Variants in SDHAF4 observed in about 807,000 individuals in gnomAD.
SDHAF4 encodes the protein succinate dehydrogenase assembly factor 4, mitochondrial.
SDHAF4 carries 14 observed loss-of-function variants against 14.3 expected under a neutral mutation model. The ratio of observed to expected loss-of-function variants is 0.98; its 90% confidence interval spans 0.65 to 1.53. The LOEUF (loss-of-function observed/expected upper bound fraction) is 1.53, where lower values mean the gene tolerates loss of function less well. SDHAF4 is among the 40% of genes most tolerant of loss of function. The pLI is 0.00. For missense variants in SDHAF4, 141 were observed against 129.3 expected (o/e 1.09, Z -0.44); for synonymous variants, 63 against 47.3 (o/e 1.33, Z -1.36).
chr6:70,585,578 G>A (rs1049792945), intron 2 of SDHAF4, among the ~76,000 whole-genome samples: 3 of 152,176 alleles, frequency 2.0e-5, no homozygotes, highest in Non-Finnish European at 2.9e-5. Flanking sequence ...ATGGTATTTT[G>A]TTATGGCAGC....
At chr6:70,572,058 CTTTTTTTTTTTTTT>C (rs66688860) in intron 1 of SDHAF4, among the ~76,000 whole-genome samples, 2 of 53,506 alleles carry the variant, frequency 3.7e-5, no homozygotes, top group African/African-American at 8.2e-5. Context: ...CTTTTTTTGT[CTTTTTTTTTTTTTT>C]TTTTTTTTTT....
At chr6:70,577,562 C>A (rs761498414) in intron 1 of SDHAF4, among the ~76,000 whole-genome samples, 5 of 152,082 alleles carry the variant, frequency 3.3e-5, no homozygotes, top group Non-Finnish European at 7.3e-5. Flanking sequence ...ATTTTAAAAT[C>A]CGAAGTTTTA....
Position 70,578,842 on chromosome 6 carries a change from C to T in SDHAF4, c.65-572C>T, listed in dbSNP as rs531350121. On this transcript the variant is annotated intron_variant, in intron 1 of 2. Coordinates refer to ENST00000370474, the MANE Select transcript of SDHAF4 (RefSeq NM_145267.3). ...CCATTTATCAAATAGGGACTTCTTT[C>T]CCCATAAAACAATCTTTTTTTAGAG... Among the ~76,000 whole-genome samples, 28 of 152,236 alleles carry T rather than the reference C, an allele frequency of 1.8e-4. No individual in the cohort carries two copies. In the East Asian group the frequency reaches 5.0e-3, roughly 27 times the overall value.
chr6:70,577,325 A>C (rs1345290955), intron 1 of SDHAF4, among the ~76,000 whole-genome samples: 1 of 152,144 alleles, frequency 6.6e-6, no homozygotes, highest in African/African-American at 2.4e-5. Context: ...TCTGTTTGCT[A>C]CAGAGGTGTA....
At chr6:70,589,978 C>T (rs1270203800), downstream of SDHAF4, among the ~76,000 whole-genome samples, 1 of 152,182 alleles carries the variant, frequency 6.6e-6, no homozygotes, top group African/African-American at 2.4e-5. Context: ...TATTCGATGC[C>T]TGTAATCCCA....
At chr6:70,584,117 G>C (rs754586935) in intron 2 of SDHAF4, among the ~76,000 whole-genome samples, 14 of 151,890 alleles carry the variant, frequency 9.2e-5, no homozygotes, top group Admixed American at 2.0e-4. Context: ...CCTCTGCCTC[G>C]GGTTCAAGCG....
At chr6:70,586,001 G>A (rs929265692) in intron 2 of SDHAF4, among the ~76,000 whole-genome samples, 9 of 152,116 alleles carry the variant, frequency 5.9e-5, no homozygotes, top group African/African-American at 2.2e-4. Flanking sequence ...CCTTTAGAGG[G>A]CAAGGAGGAT....
At chr6:70,596,743 T>C in the SDHAF4 span, 2 of 152,194 alleles carry the variant, frequency 1.3e-5, no homozygotes, top group Non-Finnish European at 2.9e-5. Context: ...GATTGAATTA[T>C]GTCTACTAGG....
intron 1 of SDHAF4, among the ~76,000 whole-genome samples, chr6:70,568,393 GTC>G (rs1802132074): frequency 1.3e-5 from 2 of 152,152 alleles, no homozygotes; most frequent in African/African-American, 4.8e-5. Context: ...TTAAGAAATA[GTC>G]TCTATTGCCA....
intron 1 of SDHAF4, among the ~76,000 whole-genome samples, chr6:70,568,097 A>G (rs549783686): frequency 6.6e-6 from 1 of 152,352 alleles, no homozygotes; most frequent in South Asian, 2.1e-4. Flanking sequence ...CCTTTGTGCA[A>G]TCATTTTACC....
At chr6:70,567,980 C>T (rs1802125853) in intron 1 of SDHAF4, among the ~76,000 whole-genome samples, 2 of 152,134 alleles carry the variant, frequency 1.3e-5, no homozygotes, top group Admixed American at 1.3e-4. Flanking sequence ...CCACCGCGCC[C>T]GGTCCGCAAA....
In SDHAF4 at chr6:70,579,472, T is replaced by C; in HGVS notation, c.123T>C (p.Ser41=). 2 of 1,611,384 alleles carry C rather than the reference T, an allele frequency of 1.2e-6. No homozygotes were observed. Among genetic ancestry groups the C allele is most frequent in the Non-Finnish European group, 1.7e-6 (2 of 1,178,524 alleles). The change falls in exon 2 of 3, where the codon TCT becomes TCC. Residue 41 remains serine, a synonymous_variant. Coordinates refer to ENST00000370474, the MANE Select transcript of SDHAF4 (RefSeq NM_145267.3). The stretch of plus-strand genomic sequence containing the variant: ...CAAGTTCTTCTCAAGGAGGAAAGTC[T>C]GAACTTGTCAAACAGTCCCTTAAGA... ...RKTSSSQGGK[S]ELVKQSLKKP...
intron 1 of SDHAF4, among the ~76,000 whole-genome samples, chr6:70,578,179 A>G (rs543711314): frequency 3.4e-4 from 52 of 152,362 alleles, no homozygotes; most frequent in Admixed American, 1.3e-3. Context: ...GAACTAAGAT[A>G]CATTCCCACT....
chr6:70,582,903 T>C (rs1765152166), intron 2 of SDHAF4, among the ~76,000 whole-genome samples: 1 of 152,116 alleles, frequency 6.6e-6, no homozygotes, highest in Non-Finnish European at 1.5e-5. Flanking sequence ...GTTGTCTCCT[T>C]GAAAAGAGTA....
chr6:70,571,519 T>A (rs1802177761), intron 1 of SDHAF4, among the ~76,000 whole-genome samples: 1 of 152,198 alleles, frequency 6.6e-6, no homozygotes, highest in South Asian at 2.1e-4. Flanking sequence ...TTCACCATAT[T>A]GGCCAGGCTG....
At chr6:70,568,488 T>A (rs913037798) in intron 1 of SDHAF4, among the ~76,000 whole-genome samples, 5 of 152,220 alleles carry the variant, frequency 3.3e-5, no homozygotes, top group Admixed American at 1.3e-4. Context: ...TATTGTTGAT[T>A]TTTTTTCAGA....
At chr6:70,596,997 G>A in the SDHAF4 span, 19 of 152,218 alleles carry the variant, frequency 1.2e-4, no homozygotes, top group Admixed American at 4.6e-4. Flanking sequence ...AATGAGTGCT[G>A]ATTGATCAAT....
the SDHAF4 span, among the ~76,000 whole-genome samples, chr6:70,598,053 T>C: frequency 1.3e-5 from 2 of 152,246 alleles, no homozygotes; most frequent in Non-Finnish European, 2.9e-5. Flanking sequence ...TTCATTGTCC[T>C]GTGGGCACTT....
At position 70,574,420 on chromosome 6, in the gene SDHAF4, G is replaced by A. The variant is rs137964977; in HGVS notation, c.65-4994G>A. ...GGGTGTGGGTCAGTCAGTGGCTTCA[G>A]AATCTCAGAGGGGCTTCTTTTTTTC... On this transcript the variant is annotated intron_variant, in intron 1 of 2. Coordinates refer to ENST00000370474, the MANE Select transcript of SDHAF4 (RefSeq NM_145267.3). Among the ~76,000 whole-genome samples, 460 of 152,182 alleles carry A rather than the reference G, an allele frequency of 3.0e-3. 1 individual carries two copies. Among genetic ancestry groups the A allele is most frequent in the African/African-American group, 1.0e-2 (415 of 41,542 alleles).
Sources: allele counts gnomAD v4.1 joint callset (sites outside exome capture counted in the v4.1 genomes callset), GRCh38; gene constraint gnomAD v4.1.1; transcripts MANE v1.5; gene names NCBI Gene and HGNC (gene_info 2026-07-23, HGNC 2026-07-21).